The following SEMA5A variants were observed in gnomAD, a reference collection of about 807,000 sequenced individuals.
SEMA5A encodes semaphorin-5A.
A neutral mutation model predicts 135.5 loss-of-function variants in SEMA5A; 55 were observed. That is an observed-to-expected ratio of 0.41 (90% CI 0.33 to 0.51). SEMA5A has a LOEUF of 0.51. Among genes scored for constraint, SEMA5A ranks in the 20% least tolerant of loss-of-function variants. The pLI, the probability that SEMA5A is intolerant of heterozygous loss-of-function variation, is 0.37. For missense variants in SEMA5A, 1,290 were observed against 1,419.9 expected, an observed-to-expected ratio of 0.91 and a Z score of 1.47; for synonymous variants, 580 against 546.5, an observed-to-expected ratio of 1.06 and a Z score of -0.85.
At chr5:9,233,675 A>G (rs1747753217) in intron 6 of SEMA5A, among the ~76,000 whole-genome samples, 1 of 152,208 alleles carries the variant, frequency 6.6e-6, no homozygotes, top group African/African-American at 2.4e-5. Flanking sequence ...CTTTTAATGG[A>G]TTATATGTGA....
intron 15 of SEMA5A, among the ~76,000 whole-genome samples, chr5:9,111,309 G>A (rs1189019712): frequency 6.6e-6 from 1 of 152,038 alleles, no homozygotes; most frequent in South Asian, 2.1e-4. Flanking sequence ...AAATGGGTAT[G>A]GAAGGCAGAG....
At chr5:9,257,857 C>T (rs1018076466) in intron 5 of SEMA5A, among the ~76,000 whole-genome samples, 53 of 152,240 alleles carry the variant, frequency 3.5e-4, no homozygotes, top group Admixed American at 3.3e-3. Context: ...GTGTGCAGGG[C>T]AAGTCAGCCC....
intron 3 of SEMA5A, among the ~76,000 whole-genome samples, chr5:9,351,468 C>CA (rs1579392762): frequency 1.4e-5 from 2 of 143,606 alleles, no homozygotes; most frequent in East Asian, 4.2e-4. Context: ...TAGCCCCCAC[C>CA]GTTTTTTTTT....
intron 1 of SEMA5A, among the ~76,000 whole-genome samples, chr5:9,481,588 C>T (rs1759877892): frequency 6.6e-6 from 1 of 152,138 alleles, no homozygotes; most frequent in South Asian, 2.1e-4. Context: ...TTTTCTTTTT[C>T]CTTGGGTATT....
chr5:9,265,451 G>C (rs1163023291), intron 5 of SEMA5A: 2 of 456,160 alleles, frequency 4.4e-6, no homozygotes, highest in Middle Eastern at 3.3e-4. Context: ...CCACTGTAAG[G>C]CCTGCCTCCC....
At position 9,053,129 on chromosome 5, in the gene SEMA5A, A is replaced by G. The variant is rs1034536810; in HGVS notation, c.2689+958T>C. ...TTTCAATGTCAAAGTTAGACCAAGA[A>G]AAGAATAGCTCATTTTCATTCCAGG... On this transcript the variant is annotated intron_variant, in intron 19 of 22. Coordinates refer to ENST00000382496, the MANE Select transcript of SEMA5A (RefSeq NM_003966.3). 1.3e-5 allele frequency among the ~76,000 whole-genome samples: 2 copies of G among 152,128 alleles called. 1 individual carries two copies.
intron 5 of SEMA5A, among the ~76,000 whole-genome samples, chr5:9,290,867 G>GTTAA (rs1311480294): frequency 6.6e-6 from 1 of 152,014 alleles, no homozygotes; most frequent in East Asian, 1.9e-4. Context: ...ACTCTCCCAT[G>GTTAA]TTAAATAACA....
At chr5:9,444,040 G>A (rs976691060) in intron 1 of SEMA5A, among the ~76,000 whole-genome samples, 1 of 152,164 alleles carries the variant, frequency 6.6e-6, no homozygotes, top group African/African-American at 2.4e-5. Flanking sequence ...AGTCCATTGA[G>A]ACTCCCAAAT....
At position 9,153,685 on chromosome 5, in the gene SEMA5A, A is replaced by C. The variant is rs1742763345; in HGVS notation, c.1481+803T>G. On this transcript the variant is annotated intron_variant, in intron 12 of 22. Transcript: ENST00000382496. ...TCCTTCTTCTCAAGGGGTTATCAGC[A>C]TATGAGCTGTGGTCGAGAAGGACGT... Among the ~76,000 whole-genome samples, 3 of 152,206 alleles carry C rather than the reference A, an allele frequency of 2.0e-5. No individual in the cohort carries two copies. In the South Asian group the frequency reaches 6.2e-4, roughly 32 times the overall value.
intron 2 of SEMA5A, chr5:9,422,221 T>G (rs1473032281): frequency 2.0e-5 from 3 of 152,240 alleles, no homozygotes; most frequent in Non-Finnish European, 2.9e-5. Context: ...ACACCATCAT[T>G]AACACAGTTG....
intron 16 of SEMA5A, among the ~76,000 whole-genome samples, chr5:9,107,743 A>T (rs7727295): frequency 1.3e-5 from 2 of 151,980 alleles, no homozygotes; most frequent in Non-Finnish European, 2.9e-5. Flanking sequence ...AGAATCGAGT[A>T]CTTGACCATG....
intron 22 of SEMA5A, 23 bp from the exon 23 acceptor site, chr5:9,043,039 A>G: frequency 6.3e-7 from 1 of 1,589,840 alleles, no homozygotes; most frequent in Non-Finnish European, 8.6e-7. Context: ...TTAAAAAAAA[A>G]CAGGTTTAAG....
intron 11 of SEMA5A, among the ~76,000 whole-genome samples, chr5:9,165,915 G>A (rs1560981034): frequency 2.6e-5 from 4 of 152,066 alleles, no homozygotes; most frequent in Non-Finnish European, 2.9e-5. Flanking sequence ...AATTAAATTG[G>A]TCTTGGCACT....
intron 2 of SEMA5A, among the ~76,000 whole-genome samples, chr5:9,383,229 G>C (rs886574996): frequency 6.6e-6 from 1 of 152,332 alleles, no homozygotes; most frequent in Middle Eastern, 3.4e-3. Context: ...AGATGAAGTA[G>C]CCTATCTTTT....
chr5:9,388,035 G>A (rs1755973290), intron 2 of SEMA5A, among the ~76,000 whole-genome samples: 1 of 152,174 alleles, frequency 6.6e-6, no homozygotes, highest in African/African-American at 2.4e-5. Context: ...CTGAAACACA[G>A]ACCACTCTTA....
In SEMA5A at chr5:9,224,906, G is replaced by A. The variant is rs1484057861; in HGVS notation, c.433-19C>T. The A allele has an allele frequency of 1.2e-6, 2 of 1,604,406 alleles. No individual in the cohort carries two copies. The highest frequency in any genetic ancestry group is 1.7e-6 in the Non-Finnish European group (2 of 1,173,688). On this transcript the variant is annotated intron_variant, in intron 7 of 22. Coordinates refer to ENST00000382496, the MANE Select transcript of SEMA5A (RefSeq NM_003966.3). ...TGCTCAACTGTGGGGGAGGATGAGA[G>A]GGAAAGCAGTTATCTCTGCACAAGC...
At chr5:9,170,230 C>T (rs1312582808) in intron 11 of SEMA5A, among the ~76,000 whole-genome samples, 1 of 152,088 alleles carries the variant, frequency 6.6e-6, no homozygotes, top group Admixed American at 6.5e-5. Context: ...TGTGCATGAA[C>T]ATGGGTGACT....
chr5:9,345,925 A>T (rs1454666295), intron 3 of SEMA5A, among the ~76,000 whole-genome samples: 1 of 152,226 alleles, frequency 6.6e-6, no homozygotes, highest in Non-Finnish European at 1.5e-5. Context: ...ACACATATAC[A>T]TGATAGGGAG....
chr5:9,066,468 T>C lies in SEMA5A; in HGVS notation c.2252A>G (p.Glu751Gly), dbSNP rs1737470736. The C allele has an allele frequency of 1.2e-6, 2 of 1,614,096 alleles. No individual in the cohort carries two copies. The highest frequency in any genetic ancestry group is 1.3e-5 in the African/African-American group (1 of 74,924). ...GCCGTCGCTAGAACAGTACCGCATT[T>C]CGATTCTCTGTCTTCCCACTTCCAG... ...NLLEVGRQRI[E>G]MRYCSSDGTS... The change falls in exon 17 of 23, where the codon GAA becomes GGA. Residue 751 changes from glutamate (E) to glycine (G), a missense_variant. Physicochemically the swap from Glu to Gly is moderately conservative, Grantham distance 98. Around this residue, in one of 3 missense-constraint regions of SEMA5A, gnomAD observed 1,029 missense variants for 1,086.6 expected, o/e 0.95. Transcript: ENST00000382496.
Sources: allele counts gnomAD v4.1 joint callset (sites outside exome capture counted in the v4.1 genomes callset), GRCh38; gene constraint gnomAD v4.1.1; regional missense constraint gnomAD v4.1.1; transcripts MANE v1.5; gene names NCBI Gene and HGNC (gene_info 2026-07-23, HGNC 2026-07-21).